Variants in SAMD5 observed in about 807,000 individuals in gnomAD.
SAMD5 encodes the protein sterile alpha motif domain-containing protein 5.
Under a neutral mutation model 11.3 loss-of-function variants are expected in SAMD5, and 13 were observed. The observed-to-expected ratio is 1.15, with a 90% CI of 0.75 to 1.83. The LOEUF is 1.83. SAMD5 is among the 40% of genes most tolerant of loss of function. The pLI is 0.00. For synonymous variants in SAMD5, 129 were observed against 111.3 expected (o/e 1.16, Z -1.00); for missense variants, 255 against 239.1 (o/e 1.07, Z -0.44).
the SAMD5 span, among the ~76,000 whole-genome samples, chr6:147,744,519 A>T: frequency 6.6e-6 from 1 of 152,210 alleles, no homozygotes. Flanking sequence ...GAGAAATTGT[A>T]TCGGTGAAAA....
chr6:147,545,088 C>T (rs9485198), intron 1 of SAMD5, among the ~76,000 whole-genome samples: 9,754 of 152,086 alleles, frequency 0.064, 976 homozygotes, highest in African/African-American at 0.21. Context: ...TTTGCTGTTG[C>T]GTTTGCATTA....
chr6:147,718,366 T>A (rs1468497553), intron 1 of SAMD5, among the ~76,000 whole-genome samples: 1 of 152,056 alleles, frequency 6.6e-6, no homozygotes, highest in East Asian at 1.9e-4. Context: ...TCCTTTACAG[T>A]AGAAGGAATT....
chr6:147,692,548 T>C (rs1390835751), intron 1 of SAMD5: 1 of 152,178 alleles, frequency 6.6e-6, no homozygotes, highest in Non-Finnish European at 1.5e-5. Flanking sequence ...TGTCCCTGGT[T>C]ATTAGTTGAT....
intron 1 of SAMD5, among the ~76,000 whole-genome samples, chr6:147,529,990 A>T (rs1346044024): frequency 6.6e-6 from 1 of 152,252 alleles, no homozygotes; most frequent in African/African-American, 2.4e-5. Context: ...ACATTTAAAA[A>T]TGTCATGTGC....
chr6:147,554,991 G>C, intron 1 of SAMD5, among the ~76,000 whole-genome samples: 1 of 152,168 alleles, frequency 6.6e-6, no homozygotes, highest in East Asian at 1.9e-4. Context: ...CAGCACAAAA[G>C]CAACAGTGGA....
intron 1 of SAMD5, among the ~76,000 whole-genome samples, chr6:147,640,669 T>A (rs554609478): frequency 1.3e-5 from 2 of 152,006 alleles, no homozygotes; most frequent in East Asian, 3.9e-4. Flanking sequence ...AATAAACCAG[T>A]CCCATCCCAT....
At chr6:147,770,070 AAC>A in the SAMD5 span, among the ~76,000 whole-genome samples, 1 of 152,212 alleles carries the variant, frequency 6.6e-6, no homozygotes, top group Non-Finnish European at 1.5e-5. Flanking sequence ...AGTTGGAACC[AAC>A]AGATGATTTT....
the SAMD5 span, among the ~76,000 whole-genome samples, chr6:147,856,130 G>T: frequency 6.6e-6 from 1 of 152,152 alleles, no homozygotes; most frequent in Non-Finnish European, 1.5e-5. Context: ...TGTGATAAGG[G>T]ATGAACTCAA....
chr6:147,805,459 G>T, the SAMD5 span, among the ~76,000 whole-genome samples: 1 of 152,102 alleles, frequency 6.6e-6, no homozygotes, highest in Non-Finnish European at 1.5e-5. Context: ...TTGAAATGAT[G>T]ATAACTGATT....
the SAMD5 span, among the ~76,000 whole-genome samples, chr6:147,874,767 G>T: frequency 6.6e-6 from 1 of 151,610 alleles, no homozygotes; most frequent in South Asian, 2.1e-4. Flanking sequence ...ATGGAGATTT[G>T]GACTTTTCAC....
the SAMD5 span, among the ~76,000 whole-genome samples, chr6:147,872,012 A>C: frequency 6.6e-6 from 1 of 152,250 alleles, no homozygotes; most frequent in Non-Finnish European, 1.5e-5. Context: ...AAAGGAGAAC[A>C]GTCTTACCTA....
chr6:147,852,485 T>A, the SAMD5 span, among the ~76,000 whole-genome samples: 1 of 152,180 alleles, frequency 6.6e-6, no homozygotes, highest in African/African-American at 2.4e-5. Context: ...AAACTCTTGG[T>A]ACCCATATTT....
At chr6:147,592,191 G>T (rs1789464806) in intron 1 of SAMD5, among the ~76,000 whole-genome samples, 1 of 152,072 alleles carries the variant, frequency 6.6e-6, no homozygotes, top group African/African-American at 2.4e-5. Context: ...ATCTCACTAT[G>T]TTGCCCAGGT....
In SAMD5 at chr6:147,638,203, A is replaced by G. The variant is rs527939440; in HGVS notation, c.163-99114A>G. Reference sequence around the variant, plus strand: ...TTCGATGCTATTTTTAAACGTGTCTATTTCTGAAAATGCATTGCTTCTCGA... The same window carrying G: ...TTCGATGCTATTTTTAAACGTGTCTGTTTCTGAAAATGCATTGCTTCTCGA... On this transcript the variant is annotated intron_variant, in intron 1 of 1. Transcript: ENST00000566741. Among the ~76,000 whole-genome samples the G allele has an allele frequency of 2.0e-4, 30 of 152,190 alleles. No homozygotes were observed. The South Asian group carries it at 6.0e-3, about 31-fold the overall frequency.
chr6:147,724,102 T>C (rs1427328956), intron 1 of SAMD5, among the ~76,000 whole-genome samples: 1 of 152,158 alleles, frequency 6.6e-6, no homozygotes, highest in African/African-American at 2.4e-5. Flanking sequence ...TCAGTTCTTC[T>C]AATGAGAGTA....
chr6:147,668,740 A>T (rs1790755668), intron 1 of SAMD5, among the ~76,000 whole-genome samples: 2 of 152,142 alleles, frequency 1.3e-5, no homozygotes, highest in South Asian at 2.1e-4. Context: ...GCTACTTGGG[A>T]GGCTGAGGCA....
Position 147,566,222 on chromosome 6 carries a change from G to C in SAMD5, c.*1766G>C. On this transcript the variant is annotated 3_prime_UTR_variant, in exon 2 of 2. Transcript: ENST00000367474. ...AAGTTAAATTTTAAAAGCATGTATA[G>C]GTTGTCCTTAAATTATACAAAAGCT... 8 of 976,058 alleles carry C rather than the reference G, an allele frequency of 8.2e-6. No homozygotes were observed. Among genetic ancestry groups the C allele is most frequent in the Non-Finnish European group, 9.7e-6 (8 of 821,678 alleles). 60.5% of individuals were successfully genotyped at this position (976,058 alleles called of 1,614,324 possible).
At chr6:147,812,835 T>C in the SAMD5 span, among the ~76,000 whole-genome samples, 1 of 152,220 alleles carries the variant, frequency 6.6e-6, no homozygotes, top group African/African-American at 2.4e-5. Context: ...GTTGTGGATA[T>C]AAGTGACAGT....
chr6:147,688,698 G>A (rs1791052662), intron 1 of SAMD5, among the ~76,000 whole-genome samples: 1 of 152,168 alleles, frequency 6.6e-6, no homozygotes, highest in Non-Finnish European at 1.5e-5. Flanking sequence ...CTAGCTATCA[G>A]GCTCACTTCT....
Sources: gnomAD v4.1 joint callset for allele counts (sites outside exome capture counted in the v4.1 genomes callset) on GRCh38, gnomAD v4.1.1 for gene constraint, MANE v1.5 for transcripts, NCBI Gene and HGNC (gene_info 2026-07-23, HGNC 2026-07-21) for gene names.